Variants in PPFIA4 observed in about 807,000 individuals in gnomAD.
PPFIA4 encodes liprin-alpha-4.
In PPFIA4, 98 loss-of-function variants were observed where a neutral mutation model predicts 145.7. That is an observed-to-expected ratio of 0.67 (90% confidence interval 0.57 to 0.80). PPFIA4 has a LOEUF of 0.80. PPFIA4 is among the 30% of genes least tolerant of loss of function. The pLI, the probability that PPFIA4 is intolerant of heterozygous loss-of-function variation, is 0.00. For missense variants in PPFIA4, 1,457 were observed against 1,632.7 expected (o/e 0.89, Z 1.85); for synonymous variants, 628 against 649.6 (o/e 0.97, Z 0.51).
At position 203,063,895 on chromosome 1, in the gene PPFIA4, C is replaced by T. The variant is rs768007545; in HGVS notation, c.2942C>T (p.Pro981Leu). The change falls in exon 25 of 30, where the codon CCG (proline) becomes CTG (leucine). Residue 981 changes from proline (P) to leucine (L), a missense_variant. Pro to Leu is a moderately conservative substitution (Grantham distance 98). Around this residue, in one of 3 missense-constraint regions of PPFIA4, gnomAD observed 848 missense variants for 1,046.7 expected, o/e 0.81. Coordinates refer to ENST00000295706, the MANE Select transcript of PPFIA4 (RefSeq NM_001304331.2). ...GAATGGCTACCCAGCCTGGGGCTCC[C>T]GCAGTACCGCAGCTACTTCATGGAG... ...GNEWLPSLGL[P>L]QYRSYFMECL... 7 of 1,613,966 alleles carry T rather than the reference C, an allele frequency of 4.3e-6. No homozygotes were observed. The highest frequency in any genetic ancestry group is 1.7e-5 in the Admixed American group (1 of 60,012).
chr1:203,076,405 G>T lies in PPFIA4; in HGVS notation c.*15G>T. The T allele has an allele frequency of 6.2e-7, 1 of 1,607,654 alleles. No homozygotes were observed. ...TCCGGGACTAGCCATGGCCCCCAGG[G>T]CTGGCTTCCTCCTTCTGGGTTTCAC... On this transcript the variant is annotated 3_prime_UTR_variant, in exon 30 of 30. Transcript: ENST00000295706.
chr1:203,048,148 C>T lies in PPFIA4; in HGVS notation c.1141-79C>T. The T allele has an allele frequency of 1.4e-6, 2 of 1,388,646 alleles. No homozygotes were observed. Among genetic ancestry groups the T allele is most frequent in the Non-Finnish European group, 2.0e-6 (2 of 990,058 alleles). The allele number at this position is 1,388,646 out of a possible 1,614,324, so 86.0% of individuals were successfully genotyped here. A position where few individuals can be genotyped will look rare whatever the true frequency, so the allele number is the denominator to read the frequency against. ...GCCATGATCCCCAGGGCCACCCTGG[C>T]ACCAGGGTGCAGGGGATGCGGGGCC... is the stretch of plus-strand genomic sequence containing the variant. On this transcript the variant is annotated intron_variant, in intron 9 of 29. Coordinates refer to ENST00000295706, the MANE Select transcript of PPFIA4 (RefSeq NM_001304331.2). The surrounding 1 kb of genome is among the most constrained non-coding windows in gnomAD (Gnocchi z 5.8).
At chr1:203,070,585 CAAAAAAAAAAAA>C (rs571325182) in intron 27 of PPFIA4, among the ~76,000 whole-genome samples, 3 of 77,548 alleles carry the variant, frequency 3.9e-5, no homozygotes, top group African/African-American at 9.7e-5. Context: ...CTGTCTCCCT[CAAAAAAAAAAAA>C]AAAAAAAAAG....
intron 26 of PPFIA4, 56 bp downstream of exon 26, chr1:203,067,848 C>A: frequency 6.6e-7 from 1 of 1,509,958 alleles, no homozygotes; most frequent in Non-Finnish European, 9.2e-7. Context: ...CTGGTCCCTG[C>A]CTTGGGCCAA....
At chr1:203,058,275 C>T (rs531118588) in intron 19 of PPFIA4, among the ~76,000 whole-genome samples, 1 of 152,108 alleles carries the variant, frequency 6.6e-6, no homozygotes, top group South Asian at 2.1e-4. Flanking sequence ...TTTGCTGAGA[C>T]AGGGAGAGGT....
chr1:203,038,837 A>G lies in PPFIA4; in HGVS notation c.-172A>G. 2 of 557,408 alleles carry G rather than the reference A, an allele frequency of 3.6e-6. No individual in the cohort carries two copies. The highest frequency in any genetic ancestry group is 1.9e-5 in the African/African-American group (1 of 52,202). The allele number at this position is 557,408 out of a possible 1,614,324, so 34.5% of individuals were successfully genotyped here. A position where few individuals can be genotyped will look rare whatever the true frequency, so the allele number is the denominator to read the frequency against. Reference sequence around the variant, plus strand: ...GTTCCACAGGGGCACTCCAGACCCCAGGCCCCTTTCAGAGCAAAAGCAACT... The same window carrying G: ...GTTCCACAGGGGCACTCCAGACCCCGGGCCCCTTTCAGAGCAAAAGCAACT... On this transcript the variant is annotated 5_prime_UTR_variant, in exon 2 of 30. Coordinates refer to ENST00000295706, the MANE Select transcript of PPFIA4 (RefSeq NM_001304331.2).
chr1:203,047,107 G>A (rs185058393), intron 9 of PPFIA4, among the ~76,000 whole-genome samples: 7 of 152,296 alleles, frequency 4.6e-5, no homozygotes, highest in African/African-American at 7.2e-5. Flanking sequence ...GAAGAAAACC[G>A]GTGTTTAGGA....
At chr1:203,040,052 G>A (rs771100198) in intron 2 of PPFIA4, among the ~76,000 whole-genome samples, 36 of 152,228 alleles carry the variant, frequency 2.4e-4, no homozygotes, top group Non-Finnish European at 4.3e-4. Context: ...AGATATTCCA[G>A]GCATGGCGCA....
rs2102679775 is a variant in PPFIA4, at chr1:203,063,899, G to A, written c.2946G>A (p.Gln982=). The A allele has an allele frequency of 1.9e-6, 3 of 1,614,056 alleles. No individual in the cohort carries two copies. The highest frequency in any genetic ancestry group is 2.5e-6 in the Non-Finnish European group (3 of 1,179,904). Residue 982 remains glutamine, a synonymous_variant, in exon 25 of 30, where the codon CAG becomes CAA. Transcript: ENST00000295706. ...NEWLPSLGLP[Q]YRSYFMECLV... ...GGCTACCCAGCCTGGGGCTCCCGCA[G>A]TACCGCAGCTACTTCATGGAGTGCC...
At chr1:203,045,745 A>G in intron 7 of PPFIA4, 96 bp from the exon 8 acceptor site, 1 of 1,573,698 alleles carries the variant, frequency 6.4e-7, no homozygotes, top group Non-Finnish European at 8.7e-7. Context: ...ATGCCCCTTA[A>G]TGGGTTCCAA....
intron 9 of PPFIA4, 90 bp downstream of exon 9, chr1:203,046,472 G>T: frequency 2.1e-6 from 3 of 1,435,370 alleles, no homozygotes; most frequent in Non-Finnish European, 9.3e-7. Context: ...CGTGGGAGGC[G>T]CACTGGGCCA....
In PPFIA4 at chr1:203,053,758, G is replaced by T; in HGVS notation, c.1626G>T (p.Trp542Cys). 1 of 1,550,464 alleles carries T rather than the reference G, an allele frequency of 6.4e-7. No homozygotes were observed. Among genetic ancestry groups the T allele is most frequent in the Non-Finnish European group, 8.7e-7 (1 of 1,147,046 alleles). The change falls in exon 15 of 30, where the codon TGG becomes TGT. Residue 542 changes from tryptophan to cysteine, a missense_variant. Physicochemically the swap from Trp to Cys is radical, Grantham distance 215. Transcript: ENST00000295706. ...SALREESAKD[W>C]ETSPLPGMLA... is the part of the protein sequence containing the mutation. The stretch of plus-strand genomic sequence containing the variant: ...TACCCTCCTCCTTTGCTAAGGACTG[G>T]GAGACTTCTCCACTGCCTGGGATGC...
chr1:203,029,633 C>A (rs1250253413), intron 1 of PPFIA4, among the ~76,000 whole-genome samples: 3 of 152,182 alleles, frequency 2.0e-5, no homozygotes, highest in Non-Finnish European at 4.4e-5. Flanking sequence ...TCTTCTGATC[C>A]CCTGAGTTCC....
rs1445520769 is a variant in PPFIA4 at position 203,055,982 on chromosome 1, T to C, written c.2071-138T>C. ...TTCTAGGCCAGCTTTTTTTTTTTTTTCTGGCGTGATATTCTCTCCGGGCCT... is the reference window on the plus strand; with the variant it reads ...TTCTAGGCCAGCTTTTTTTTTTTTTCCTGGCGTGATATTCTCTCCGGGCCT... On this transcript the variant is annotated intron_variant, in intron 16 of 29. Transcript: ENST00000295706. The surrounding 1 kb of genome is among the most constrained non-coding windows in gnomAD (Gnocchi z 4.8). 2 of 866,388 alleles carry C rather than the reference T, an allele frequency of 2.3e-6. No homozygotes were observed. The highest frequency in any genetic ancestry group is 3.4e-5 in the African/African-American group (2 of 58,452). 53.7% of individuals were successfully genotyped at this position (866,388 alleles called of 1,614,324 possible). A position where few individuals can be genotyped will look rare whatever the true frequency, so the allele number is the denominator to read the frequency against.
chr1:203,063,020 G>A (rs759249842), intron 24 of PPFIA4: 4 of 152,242 alleles, frequency 2.6e-5, no homozygotes, highest in Non-Finnish European at 5.9e-5. Context: ...ATTACATATA[G>A]TCTTATATGT....
At chr1:203,046,486 G>C (rs1276020196) in intron 9 of PPFIA4, 104 bp downstream of exon 9, 10 of 1,362,492 alleles carry the variant, frequency 7.3e-6, no homozygotes, top group Non-Finnish European at 8.9e-6. Context: ...TGGGCCAGGA[G>C]CCAGAAAACT....
intron 25 of PPFIA4, 94 bp from the exon 26 acceptor site, chr1:203,067,601 G>A (rs531159903): frequency 3.1e-5 from 33 of 1,064,854 alleles, no homozygotes; most frequent in Non-Finnish European, 4.8e-5. Context: ...GAGGCAGTAG[G>A]TCTGGACATG....
At position 203,075,677 on chromosome 1, in the gene PPFIA4, C is replaced by A. The variant is rs553888410; in HGVS notation, c.3494C>A (p.Thr1165Asn). The A allele has an allele frequency of 1.3e-6, 2 of 1,499,404 alleles. No homozygotes were observed. The highest frequency in any genetic ancestry group is 1.4e-5 in the African/African-American group (1 of 69,094). 92.9% of individuals were successfully genotyped at this position (1,499,404 alleles called of 1,614,324 possible). ...GGCATGCTCAGCGCTTCCGCGGAGACCCTCCCGGCGGGCTTCCGTGTGTCC... is the reference window on the plus strand; with the variant it reads ...GGCATGCTCAGCGCTTCCGCGGAGAACCTCCCGGCGGGCTTCCGTGTGTCC... The part of the protein sequence containing the change: ...RGGMLSASAE[T>N]LPAGFRVSTL... Residue 1165 changes from threonine (T) to asparagine (N), a missense_variant, in exon 29 of 30, where the codon ACC becomes AAC. Around this residue, in one of 3 missense-constraint regions of PPFIA4, gnomAD observed 146 missense variants for 126.2 expected, o/e 1.16. Transcript: ENST00000295706. This position sits in a 1 kb window ranked among gnomAD's most constrained non-coding sequence, Gnocchi z 4.1.
intron 15 of PPFIA4, 151 bp downstream of exon 15, chr1:203,054,112 G>A: frequency 1.1e-6 from 1 of 875,692 alleles, no homozygotes; most frequent in Non-Finnish European, 1.8e-6. Flanking sequence ...CAGGCCCGCT[G>A]CCAGTGCCGG....
Sources: allele counts gnomAD v4.1 joint callset (sites outside exome capture counted in the v4.1 genomes callset), GRCh38; gene constraint gnomAD v4.1.1; regional missense constraint gnomAD v4.1.1; non-coding constraint Gnocchi (gnomAD v3.1); transcripts MANE v1.5; gene names NCBI Gene and HGNC (gene_info 2026-07-23, HGNC 2026-07-21).